Variants in CFAP92 observed in about 807,000 individuals in gnomAD.
The protein encoded by CFAP92 is cilia and flagella associated protein 92 (putative).
In CFAP92, 86 loss-of-function variants were observed where a neutral mutation model predicts 106.3. The observed-to-expected ratio is 0.81, with a 90% CI of 0.68 to 0.97. The LOEUF (loss-of-function observed/expected upper bound fraction) is 0.97, where lower values mean the gene tolerates loss of function less well. CFAP92 is among the 50% of genes least tolerant of loss of function. CFAP92 has a pLI of 0.00. For synonymous variants in CFAP92, 477 were observed against 506.4 expected, an observed-to-expected ratio of 0.94 and a Z score of 0.78; for missense variants, 1,204 against 1,283.8, an observed-to-expected ratio of 0.94 and a Z score of 0.95.
intron 12 of CFAP92, among the ~76,000 whole-genome samples, chr3:128,928,973 G>GA (rs1938019848): frequency 2.6e-5 from 4 of 152,224 alleles, no homozygotes; most frequent in African/African-American, 7.2e-5. Flanking sequence ...AAATGATACA[G>GA]ATGGCCAGGC....
chr3:128,924,186 A>G (rs1253797440), intron 12 of CFAP92, among the ~76,000 whole-genome samples: 3 of 152,142 alleles, frequency 2.0e-5, no homozygotes, highest in African/African-American at 7.2e-5. Context: ...TATAATGTAA[A>G]AGAGTCTTGG....
At chr3:128,943,054 G>T (rs1939818429) in intron 10 of CFAP92, among the ~76,000 whole-genome samples, 2 of 151,326 alleles carry the variant, frequency 1.3e-5, no homozygotes, top group African/African-American at 2.4e-5. Context: ...TGAGTAGCTG[G>T]GATTACAGGC....
intron 9 of CFAP92, among the ~76,000 whole-genome samples, chr3:128,949,194 A>T (rs533665341): frequency 1.3e-5 from 2 of 152,342 alleles, no homozygotes; most frequent in South Asian, 2.1e-4. Context: ...ATAGCCTAGC[A>T]ATTTCATTTG....
chr3:128,964,820 C>T lies in CFAP92; in HGVS notation c.1353+691G>A, dbSNP rs555148754. On this transcript the variant is annotated intron_variant, in intron 9 of 15. Transcript: ENST00000645291. ...TAATCTCTCCCACTCTAGGTTCCCA[C>T]GCTGCCCCTAATCCCGCTTGAAGCA... is the stretch of plus-strand genomic sequence containing the variant. Among the ~76,000 whole-genome samples, 12 of 152,114 alleles carry T rather than the reference C, an allele frequency of 7.9e-5. No individual in the cohort carries two copies. The East Asian group carries it at 1.5e-3, about 20-fold the overall frequency.
At chr3:128,982,598 T>C (rs1672041850) in intron 4 of CFAP92, among the ~76,000 whole-genome samples, 1 of 152,252 alleles carries the variant, frequency 6.6e-6, no homozygotes, top group Admixed American at 6.5e-5. Context: ...ACAAGAGGCC[T>C]AGCTTTCATC....
upstream of CFAP92, among the ~76,000 whole-genome samples, chr3:128,996,320 G>A (rs76648120): frequency 4.6e-5 from 7 of 152,316 alleles, no homozygotes; most frequent in East Asian, 9.6e-4. Context: ...TAAGCAAATT[G>A]TTGCTCTCTT....
At chr3:129,019,315 A>C in the CFAP92 span, among the ~76,000 whole-genome samples, 1 of 152,292 alleles carries the variant, frequency 6.6e-6, no homozygotes, top group East Asian at 1.9e-4. Context: ...GAAGACAGGG[A>C]CCCAGCTTTA....
intron 4 of CFAP92, among the ~76,000 whole-genome samples, chr3:128,985,240 C>T (rs1943779315): frequency 1.3e-5 from 2 of 152,100 alleles, no homozygotes; most frequent in Non-Finnish European, 2.9e-5. Flanking sequence ...AGGAGGATTG[C>T]TTAAGACCAG....
intron 10 of CFAP92, among the ~76,000 whole-genome samples, chr3:128,938,316 G>A (rs959321012): frequency 1.3e-5 from 2 of 152,076 alleles, no homozygotes; most frequent in African/African-American, 4.8e-5. Flanking sequence ...ACCTAGACTA[G>A]AGTTGATTTT....
Position 128,956,994 on chromosome 3 carries a change from A to AAAAAAAAG in CFAP92, c.1353+8516_1353+8517insCTTTTTTT, listed in dbSNP as rs377096690. Among the ~76,000 whole-genome samples, 548 of 128,844 alleles carry AAAAAAAAG rather than the reference A, an allele frequency of 4.3e-3. 26 individuals are homozygous for AAAAAAAAG. Among genetic ancestry groups the AAAAAAAAG allele is most frequent in the Middle Eastern group, 0.014 (3 of 218 alleles). 84.5% of individuals were successfully genotyped at this position (128,844 alleles called of 152,430 possible). The stretch of plus-strand genomic sequence containing the variant: ...GACTCTCTCAAAAAAAAAAAAAAAA[A>AAAAAAAAG]AAAGAAATCAACCCCATTCTATACC... On this transcript the variant is annotated intron_variant, in intron 9 of 15. Transcript: ENST00000645291.
chr3:128,957,409 T>C (rs1941524760), intron 9 of CFAP92, among the ~76,000 whole-genome samples: 1 of 152,202 alleles, frequency 6.6e-6, no homozygotes, highest in Admixed American at 6.5e-5. Context: ...TGGTAAAATA[T>C]TGATACCAAG....
intron 1 of CFAP92, chr3:129,002,111 G>A (rs933468932): frequency 1.1e-5 from 16 of 1,483,608 alleles, no homozygotes; most frequent in Middle Eastern, 1.9e-4. Context: ...GGCCCCGGCT[G>A]CCCCGCGGCG....
At chr3:128,961,470 T>G (rs772929071) in intron 9 of CFAP92, among the ~76,000 whole-genome samples, 2 of 144,770 alleles carry the variant, frequency 1.4e-5, no homozygotes, top group African/African-American at 5.4e-5. Context: ...TTTTATCACC[T>G]CCCCTCCTCA....
At position 128,926,867 on chromosome 3, in the gene CFAP92, G is replaced by A. The variant is rs370243448; in HGVS notation, c.2751+5833C>T. ...TCCCAGCACTTTGGTAGGCTGAGGC[G>A]GGCAGATCACAAGGTCAGGAGATTG... On this transcript the variant is annotated intron_variant, in intron 12 of 15. Coordinates refer to ENST00000645291, the MANE Select transcript of CFAP92 (RefSeq NM_001394090.1). 9.6e-4 allele frequency among the ~76,000 whole-genome samples: 144 copies of A among 150,496 alleles called. 1 individual carries two copies. The highest frequency in any genetic ancestry group is 3.1e-3 in the African/African-American group (128 of 41,358).
intron 13 of CFAP92, 61 bp from the exon 14 acceptor site, chr3:128,915,624 C>A: frequency 8.7e-7 from 1 of 1,148,714 alleles, no homozygotes; most frequent in Non-Finnish European, 1.2e-6. Flanking sequence ...GATTTATTTC[C>A]AAGTAGGAAT....
chr3:128,950,787 C>G (rs1001802957), intron 9 of CFAP92, among the ~76,000 whole-genome samples: 15 of 152,160 alleles, frequency 9.9e-5, no homozygotes, highest in Non-Finnish European at 2.9e-5. Context: ...TTGCTGAGGC[C>G]TGGTCACATA....
At chr3:129,015,825 A>C in the CFAP92 span, among the ~76,000 whole-genome samples, 3 of 142,740 alleles carry the variant, frequency 2.1e-5, no homozygotes, top group Admixed American at 7.3e-5. Flanking sequence ...TCTTGTTTTC[A>C]CATGTTGCTC....
intron 5 of CFAP92, 66 bp from the exon 6 acceptor site, chr3:128,977,132 C>A (rs1031316193): frequency 7.8e-7 from 1 of 1,277,086 alleles, no homozygotes; most frequent in East Asian, 2.3e-5. Flanking sequence ...AATGAGGGCC[C>A]CTGACCCATT....
At chr3:128,993,471 T>TC in intron 1 of CFAP92, 135 bp from the exon 2 acceptor site, 1 of 811,218 alleles carries the variant, frequency 1.2e-6, no homozygotes, top group Non-Finnish European at 1.9e-6. Context: ...ACGCCGGGGC[T>TC]CCTTCACTGC....
Sources: gnomAD v4.1 joint callset for allele counts (sites outside exome capture counted in the v4.1 genomes callset) on GRCh38, gnomAD v4.1.1 for gene constraint, MANE v1.5 for transcripts, NCBI Gene and HGNC (gene_info 2026-07-23, HGNC 2026-07-21) for gene names.